EPHA7: variants seen among roughly 807,000 people sequenced by gnomAD.
EPHA7 encodes EPH receptor A7, also known as ephrin type-A receptor 7.
Under a neutral mutation model 112.6 loss-of-function variants are expected in EPHA7, and 25 were observed. The observed-to-expected ratio is 0.22, with a 90% CI of 0.16 to 0.31. EPHA7 has a LOEUF of 0.31. EPHA7 is among the 10% of genes least tolerant of loss of function. EPHA7 has a pLI of 1.00. For synonymous variants in EPHA7, 437 were observed against 406.5 expected (o/e 1.07, Z -0.90); for missense variants, 962 against 1,212.6 (o/e 0.79, Z 3.07).
At chr6:93,408,074 C>T (rs978538523) in intron 3 of EPHA7, among the ~76,000 whole-genome samples, 2 of 151,850 alleles carry the variant, frequency 1.3e-5, no homozygotes, top group Non-Finnish European at 1.5e-5. Context: ...CCACAAAAAC[C>T]CGTAATCTTC....
At chr6:93,369,334 C>T (rs897201495) in intron 3 of EPHA7, among the ~76,000 whole-genome samples, 2 of 152,178 alleles carry the variant, frequency 1.3e-5, no homozygotes, top group South Asian at 2.1e-4. Context: ...TTTACCTCCA[C>T]ACCCAAATAA....
chr6:93,324,424 C>A (rs1237173562), intron 5 of EPHA7, among the ~76,000 whole-genome samples: 1 of 151,218 alleles, frequency 6.6e-6, no homozygotes, highest in African/African-American at 2.4e-5. Flanking sequence ...CATCTATAAA[C>A]CGTTATTAGA....
chr6:93,246,999 G>A lies in EPHA7; in HGVS notation c.2533-14C>T, dbSNP rs1205960877. The A allele has an allele frequency of 6.5e-7, 1 of 1,541,878 alleles. No homozygotes were observed. Among genetic ancestry groups the A allele is most frequent in the Non-Finnish European group, 8.8e-7 (1 of 1,131,554 alleles). On this transcript the variant is annotated splice_polypyrimidine_tract_variant and intron_variant, in intron 14 of 16. Transcript: ENST00000369303. ...TGCTTTTATAACCTAATAGCCAAAA[G>A]GACATTACAAATATTACTGATTTAG...
chr6:93,304,166 G>T (rs1292306020), intron 5 of EPHA7, among the ~76,000 whole-genome samples: 1 of 151,764 alleles, frequency 6.6e-6, no homozygotes, highest in East Asian at 1.9e-4. Context: ...TTGTAGTATA[G>T]TAATTATACT....
chr6:93,395,923 T>C (rs149516218), intron 3 of EPHA7, among the ~76,000 whole-genome samples: 1 of 152,026 alleles, frequency 6.6e-6, no homozygotes, highest in Non-Finnish European at 1.5e-5. Flanking sequence ...TTCAGTTTTA[T>C]TGGTGCTAAC....
chr6:93,300,451 C>T (rs989528928), intron 5 of EPHA7, among the ~76,000 whole-genome samples: 1 of 152,010 alleles, frequency 6.6e-6, no homozygotes, highest in Admixed American at 6.6e-5. Context: ...GAAATACATG[C>T]AGTAAGATTT....
At chr6:93,249,246 GC>G (rs1770098174) in intron 14 of EPHA7, among the ~76,000 whole-genome samples, 1 of 152,066 alleles carries the variant, frequency 6.6e-6, no homozygotes, top group African/African-American at 2.4e-5. Flanking sequence ...TGGTAACTCT[GC>G]AAGGATCACA....
chr6:93,256,400 T>C (rs954647230), intron 12 of EPHA7, among the ~76,000 whole-genome samples: 2 of 151,908 alleles, frequency 1.3e-5, no homozygotes, highest in Middle Eastern at 3.2e-3. Context: ...CTAAATAATA[T>C]AAAAGTATAT....
intron 5 of EPHA7, among the ~76,000 whole-genome samples, chr6:93,298,609 A>G (rs1772799192): frequency 1.3e-5 from 2 of 152,176 alleles, no homozygotes; most frequent in Non-Finnish European, 2.9e-5. Flanking sequence ...CACTACATAC[A>G]CTGCCAATAA....
At chr6:93,300,664 T>A (rs1448102994) in intron 5 of EPHA7, among the ~76,000 whole-genome samples, 4 of 152,192 alleles carry the variant, frequency 2.6e-5, no homozygotes, top group Non-Finnish European at 4.4e-5. Context: ...CATATTTTAA[T>A]AATGCATTCA....
chr6:93,246,749 A>G (rs1465081202), intron 15 of EPHA7, 43 bp downstream of exon 15: 8 of 1,518,526 alleles, frequency 5.3e-6, no homozygotes, highest in African/African-American at 1.4e-5. Context: ...TTATGTTACT[A>G]TTGTAATTTC....
chr6:93,331,147 A>T (rs1341689650), intron 5 of EPHA7, among the ~76,000 whole-genome samples: 1 of 151,492 alleles, frequency 6.6e-6, no homozygotes, highest in African/African-American at 2.4e-5. Context: ...AAATCTGTAA[A>T]AGTTTAGTTA....
intron 10 of EPHA7, 81 bp downstream of exon 10, chr6:93,259,273 T>A: frequency 6.4e-7 from 1 of 1,552,650 alleles, no homozygotes; most frequent in East Asian, 2.3e-5. Context: ...TGAGGGATAA[T>A]TATTTGCCTG....
chr6:93,271,619 TATACTC>T (rs1053823727), intron 6 of EPHA7, among the ~76,000 whole-genome samples: 2 of 151,846 alleles, frequency 1.3e-5, no homozygotes, highest in Admixed American at 1.3e-4. Flanking sequence ...CAGAAATAAA[TATACTC>T]ATATACTCAG....
intron 5 of EPHA7, among the ~76,000 whole-genome samples, chr6:93,281,039 A>T (rs945891288): frequency 6.6e-6 from 1 of 152,170 alleles, no homozygotes; most frequent in African/African-American, 2.4e-5. Flanking sequence ...AGCACTCTCC[A>T]TAATAAATGC....
chr6:93,300,910 G>A (rs1055573560), intron 5 of EPHA7, among the ~76,000 whole-genome samples: 1 of 152,118 alleles, frequency 6.6e-6, no homozygotes, highest in African/African-American at 2.4e-5. Flanking sequence ...CCTAGGCTAT[G>A]AGGCCTACCA....
chr6:93,295,880 C>T (rs1483892344), intron 5 of EPHA7, among the ~76,000 whole-genome samples: 1 of 151,792 alleles, frequency 6.6e-6, no homozygotes, highest in Non-Finnish European at 1.5e-5. Flanking sequence ...ATAACTTCAT[C>T]CTCAAATAAT....
intron 3 of EPHA7, among the ~76,000 whole-genome samples, chr6:93,399,750 A>G (rs924819864): frequency 6.6e-6 from 1 of 151,896 alleles, no homozygotes; most frequent in African/African-American, 2.4e-5. Flanking sequence ...GTGTGTGTGT[A>G]TATGTATTAT....
chr6:93,301,573 C>T (rs892806497), intron 5 of EPHA7, among the ~76,000 whole-genome samples: 3 of 151,866 alleles, frequency 2.0e-5, no homozygotes, highest in Middle Eastern at 3.4e-3. Context: ...AAATAGAAAC[C>T]ACTTCAAATC....
Sources: gnomAD v4.1 joint callset for allele counts (sites outside exome capture counted in the v4.1 genomes callset) on GRCh38, gnomAD v4.1.1 for gene constraint, MANE v1.5 for transcripts, NCBI Gene and HGNC (gene_info 2026-07-23, HGNC 2026-07-21) for gene names.